Variants in SRPK2 observed in about 807,000 individuals in gnomAD.
SRPK2 encodes the protein SFRS protein kinase 2.
In SRPK2, 21 loss-of-function variants were observed where a neutral mutation model predicts 90.8. The observed-to-expected ratio is 0.23, with a 90% confidence interval of 0.16 to 0.33. The LOEUF (loss-of-function observed/expected upper bound fraction) is 0.33, where lower values mean the gene tolerates loss of function less well. SRPK2 is among the 10% of genes least tolerant of loss of function. The pLI, the probability that SRPK2 is intolerant of heterozygous loss-of-function variation, is 1.00. For synonymous variants in SRPK2, 288 were observed against 311.1 expected (o/e 0.93, Z 0.78); for missense variants, 620 against 869.0 (o/e 0.71, Z 3.60).
At chr7:105,394,893 G>A (rs186486785) in intron 1 of SRPK2, among the ~76,000 whole-genome samples, 6 of 152,258 alleles carry the variant, frequency 3.9e-5, no homozygotes, top group East Asian at 3.9e-4. Flanking sequence ...CAAAACAGCC[G>A]GGCGCGGTGG....
chr7:105,281,427 C>A (rs1807320712), intron 2 of SRPK2, among the ~76,000 whole-genome samples: 1 of 152,142 alleles, frequency 6.6e-6, no homozygotes, highest in South Asian at 2.1e-4. Flanking sequence ...ACCGCAATTA[C>A]ATTTGCACCA....
chr7:105,214,298 G>C (rs1386153347), intron 2 of SRPK2, among the ~76,000 whole-genome samples: 1 of 152,156 alleles, frequency 6.6e-6, no homozygotes, highest in Non-Finnish European at 1.5e-5. Flanking sequence ...CTGAAAAAGA[G>C]TTTAGAACAT....
chr7:105,238,611 A>C (rs1315365884), intron 2 of SRPK2, among the ~76,000 whole-genome samples: 1 of 152,198 alleles, frequency 6.6e-6, no homozygotes, highest in African/African-American at 2.4e-5. Flanking sequence ...TTTATTACAC[A>C]ACCTACTTCA....
intron 9 of SRPK2, among the ~76,000 whole-genome samples, chr7:105,144,567 G>C (rs73717964): frequency 0.011 from 1,604 of 152,102 alleles, 21 homozygotes; most frequent in African/African-American, 0.037. Flanking sequence ...TGTTTTGACA[G>C]GACCACAAAA....
chr7:105,395,464 TCATGC>T (rs1822295749), intron 1 of SRPK2, among the ~76,000 whole-genome samples: 2 of 151,232 alleles, frequency 1.3e-5, no homozygotes, highest in African/African-American at 4.9e-5. Flanking sequence ...GCACAGTGGC[TCATGC>T]CTGTAATCCC....
chr7:105,290,217 CACAA>C (rs1808782896), intron 2 of SRPK2, among the ~76,000 whole-genome samples: 1 of 143,962 alleles, frequency 6.9e-6, no homozygotes, highest in African/African-American at 2.5e-5. Flanking sequence ...AAAAAAATGG[CACAA>C]ACAGATTTGC....
At chr7:105,395,033 C>T (rs1173907891) in intron 1 of SRPK2, among the ~76,000 whole-genome samples, 6 of 152,054 alleles carry the variant, frequency 3.9e-5, no homozygotes, top group Admixed American at 6.6e-5. Flanking sequence ...ATTAGCTAGG[C>T]GTGGCGGCAC....
intron 7 of SRPK2, among the ~76,000 whole-genome samples, chr7:105,158,114 G>A (rs969043275): frequency 3.3e-5 from 5 of 152,030 alleles, no homozygotes; most frequent in Middle Eastern, 3.2e-3. Context: ...TTAATCTTCG[G>A]TTCATTCAAC....
At chr7:105,257,676 C>T (rs1803520750) in intron 2 of SRPK2, among the ~76,000 whole-genome samples, 1 of 151,996 alleles carries the variant, frequency 6.6e-6, no homozygotes, top group African/African-American at 2.4e-5. Context: ...AGAATCTAGA[C>T]AGGGTTTAAC....
At chr7:105,331,976 G>A (rs1204067) in intron 2 of SRPK2, among the ~76,000 whole-genome samples, 2,649 of 152,028 alleles carry the variant, frequency 0.017, 85 homozygotes, top group African/African-American at 0.06. Context: ...CTGGCCAACA[G>A]GGTGAAGCCC....
At chr7:105,150,319 G>C (rs1305099695) in intron 7 of SRPK2, among the ~76,000 whole-genome samples, 1 of 152,196 alleles carries the variant, frequency 6.6e-6, no homozygotes, top group Non-Finnish European at 1.5e-5. Flanking sequence ...AGGAGTGCGA[G>C]ACCAGCCTGG....
chr7:105,230,640 G>A (rs1799309222), intron 2 of SRPK2, among the ~76,000 whole-genome samples: 1 of 152,184 alleles, frequency 6.6e-6, no homozygotes, highest in Non-Finnish European at 1.5e-5. Context: ...GGTTTTTAAA[G>A]ACAATCATAT....
At chr7:105,272,925 T>C (rs1272125263) in intron 2 of SRPK2, among the ~76,000 whole-genome samples, 2 of 152,082 alleles carry the variant, frequency 1.3e-5, no homozygotes, top group Admixed American at 6.5e-5. Context: ...ATTTGAAATA[T>C]CTTTCCCGGC....
At chr7:105,150,089 T>C (rs1034090542) in intron 7 of SRPK2, among the ~76,000 whole-genome samples, 1 of 151,814 alleles carries the variant, frequency 6.6e-6, no homozygotes, top group Non-Finnish European at 1.5e-5. Flanking sequence ...ATGGCAAATA[T>C]GATTTAATAA....
intron 9 of SRPK2, among the ~76,000 whole-genome samples, chr7:105,144,532 C>T (rs1388378328): frequency 6.6e-6 from 1 of 152,092 alleles, no homozygotes; most frequent in East Asian, 1.9e-4. Context: ...TGAGTCACCA[C>T]ACCCAGTATC....
At chr7:105,333,563 A>G (rs995490345) in intron 2 of SRPK2, among the ~76,000 whole-genome samples, 1 of 152,234 alleles carries the variant, frequency 6.6e-6, no homozygotes, top group Non-Finnish European at 1.5e-5. Context: ...ATTACAAAAA[A>G]TAGCTCCATA....
chr7:105,357,017 A>AT (rs1191330192), intron 2 of SRPK2, among the ~76,000 whole-genome samples: 3 of 151,282 alleles, frequency 2.0e-5, no homozygotes, highest in South Asian at 2.1e-4. Flanking sequence ...CCATCACTTG[A>AT]TTTTTTTAGG....
intron 2 of SRPK2, among the ~76,000 whole-genome samples, chr7:105,276,322 TC>T (rs1044494675): frequency 1.1e-4 from 16 of 151,304 alleles, no homozygotes; most frequent in Admixed American, 2.0e-4. Context: ...CAACCGATCC[TC>T]CCACCTTGGC....
chr7:105,378,152 C>T (rs1219988841), intron 2 of SRPK2, among the ~76,000 whole-genome samples: 1 of 152,084 alleles, frequency 6.6e-6, no homozygotes, highest in Non-Finnish European at 1.5e-5. Context: ...ATGTTGACAC[C>T]AACTGCAGTG....
Sources: allele counts gnomAD v4.1 joint callset (sites outside exome capture counted in the v4.1 genomes callset), GRCh38; gene constraint gnomAD v4.1.1; transcripts MANE v1.5; gene names NCBI Gene and HGNC (gene_info 2026-07-23, HGNC 2026-07-21).